RALGAPA1: variants seen among roughly 807,000 people sequenced by gnomAD.
The protein encoded by RALGAPA1 is ral GTPase-activating protein subunit alpha-1.
Under a neutral mutation model 269.6 loss-of-function variants are expected in RALGAPA1, and 52 were observed. The observed-to-expected ratio is 0.19, with a 90% CI of 0.15 to 0.24. The LOEUF is 0.24. RALGAPA1 is among the 10% of genes least tolerant of loss of function. The probability of loss-of-function intolerance (pLI) is 1.00; values close to 1 mark genes in which losing one functional copy is unlikely to be tolerated. For synonymous variants in RALGAPA1, 817 were observed against 1,008.3 expected, an observed-to-expected ratio of 0.81 and a Z score of 3.60; for missense variants, 1,917 against 3,013.9, an observed-to-expected ratio of 0.64 and a Z score of 8.52.
intron 1 of RALGAPA1, among the ~76,000 whole-genome samples, chr14:35,797,449 T>C (rs1180201579): frequency 1.3e-5 from 2 of 151,674 alleles, no homozygotes; most frequent in African/African-American, 4.9e-5. Context: ...TAAAGAAAGG[T>C]TGGTTAATGC....
intron 21 of RALGAPA1, among the ~76,000 whole-genome samples, chr14:35,681,322 C>G (rs1050418973): frequency 6.6e-6 from 1 of 152,096 alleles, no homozygotes; most frequent in Non-Finnish European, 1.5e-5. Context: ...ACTAATGGTA[C>G]TGATTAAGAT....
chr14:35,700,315 A>G lies in RALGAPA1; in HGVS notation c.2267-13T>C, dbSNP rs1217259947. 2.0e-6 allele frequency: 3 copies of G among 1,501,808 alleles called. No homozygotes were observed. Among genetic ancestry groups the G allele is most frequent in the East Asian group, 5.0e-5 (2 of 40,186 alleles). The allele number at this position is 1,501,808 out of a possible 1,614,324, so 93.0% of individuals were successfully genotyped here. A position where few individuals can be genotyped will look rare whatever the true frequency, so the allele number is the denominator to read the frequency against. ...CGGCTTCTCATGGCTTTAAAAAAGG[A>G]AAAGAAAGAAGTGGGGAAGGAAAAA... is the stretch of plus-strand genomic sequence containing the variant. On this transcript the variant is annotated splice_polypyrimidine_tract_variant and intron_variant, in intron 16 of 41. Coordinates refer to ENST00000680220, the MANE Select transcript of RALGAPA1 (RefSeq NM_001346249.2).
At chr14:35,548,984 TA>T in intron 40 of RALGAPA1, 125 bp downstream of exon 40, 1 of 1,112,632 alleles carries the variant, frequency 9.0e-7, no homozygotes, top group Non-Finnish European at 1.3e-6. Flanking sequence ...CAAATTCAAA[TA>T]TTAAATAGTG....
At chr14:35,774,903 A>G (rs11848274) in intron 3 of RALGAPA1, 103 bp downstream of exon 3, 10,454 of 729,134 alleles carry the variant, frequency 0.014, 493 homozygotes, top group African/African-American at 0.12. Flanking sequence ...AGGCTGGCAA[A>G]TTCAGAGTGT....
chr14:35,808,539 T>G (rs778248457), intron 1 of RALGAPA1, among the ~76,000 whole-genome samples, 191 bp downstream of exon 1: 2 of 152,192 alleles, frequency 1.3e-5, no homozygotes, highest in Non-Finnish European at 2.9e-5. Context: ...ATTACTGTGT[T>G]AACAGTAATC....
intron 16 of RALGAPA1, 51 bp downstream of exon 16, chr14:35,721,637 A>T (rs753362126): frequency 2.1e-6 from 3 of 1,448,174 alleles, no homozygotes; most frequent in South Asian, 1.3e-5. Context: ...GTTACCAAGG[A>T]CTATAAATGT....
rs1567009261 is a variant in RALGAPA1, at chr14:35,688,914, G to A, written c.3497C>T (p.Pro1166Leu). 1.6e-6 allele frequency: 2 copies of A among 1,259,552 alleles called. No individual in the cohort carries two copies. Among genetic ancestry groups the A allele is most frequent in the Non-Finnish European group, 2.0e-6 (2 of 1,004,212 alleles). The allele number at this position is 1,259,552 out of a possible 1,614,324, so 78.0% of individuals were successfully genotyped here. A position where few individuals can be genotyped will look rare whatever the true frequency, so the allele number is the denominator to read the frequency against. The change falls in exon 18 of 42, where the codon CCT (proline) becomes CTT (leucine). Residue 1166 changes from proline to leucine, a missense_variant. Physicochemically the swap from Pro to Leu is moderately conservative, Grantham distance 98. Transcript: ENST00000680220. Reference protein sequence around the residue: ...PSTESVQFYNPLENKEAPWKM... With the variant: ...PSTESVQFYNLLENKEAPWKM... ...CCATGGAGCCTCTTTGTTTTCCAGA[G>A]GATTATAAAACTGAACGGACTCAGT... is the stretch of plus-strand genomic sequence containing the variant.
At chr14:35,661,789 A>C (rs2063552947) in intron 27 of RALGAPA1, among the ~76,000 whole-genome samples, 1 of 152,200 alleles carries the variant, frequency 6.6e-6, no homozygotes, top group South Asian at 2.1e-4. Context: ...CTTTCTATGT[A>C]ATATAGTCTG....
intron 3 of RALGAPA1, among the ~76,000 whole-genome samples, chr14:35,773,019 G>A (rs1472632871): frequency 2.0e-5 from 3 of 152,104 alleles, no homozygotes; most frequent in African/African-American, 7.2e-5. Flanking sequence ...GTCTCCCACA[G>A]CTGGCCAACA....
intron 7 of RALGAPA1, among the ~76,000 whole-genome samples, chr14:35,755,091 T>C (rs2073054134): frequency 1.3e-5 from 2 of 152,240 alleles, no homozygotes; most frequent in African/African-American, 4.8e-5. Context: ...CTCACGCCTA[T>C]AATCACAGCA....
intron 16 of RALGAPA1, among the ~76,000 whole-genome samples, chr14:35,713,874 C>A: frequency 6.6e-6 from 1 of 152,034 alleles, no homozygotes; most frequent in Non-Finnish European, 1.5e-5. Context: ...GGCGGGTGGA[C>A]TACTTGAGGC....
chr14:35,801,141 C>T (rs1040244213), intron 1 of RALGAPA1, among the ~76,000 whole-genome samples: 3 of 148,494 alleles, frequency 2.0e-5, no homozygotes, highest in South Asian at 2.1e-4. Context: ...TCAATAAAAG[C>T]GATAAGACTC....
At chr14:35,671,909 T>C (rs1458034038) in intron 25 of RALGAPA1, among the ~76,000 whole-genome samples, 2 of 152,132 alleles carry the variant, frequency 1.3e-5, no homozygotes, top group Admixed American at 6.5e-5. Context: ...ACCCGTTACG[T>C]GACAATTGGA....
At position 35,756,710 on chromosome 14, in the gene RALGAPA1, GAC is replaced by G. The variant is rs891682152; in HGVS notation, c.663+81_663+82del. Reference sequence around the variant, plus strand: ...AAGAAAATAAGCAAATATCTACTATGACAGAATAATGGTAAGAGACAGAAAAG... The same window carrying G: ...AAGAAAATAAGCAAATATCTACTATGAGAATAATGGTAAGAGACAGAAAAG... On this transcript the variant is annotated intron_variant, in intron 7 of 41. Coordinates refer to ENST00000680220, the MANE Select transcript of RALGAPA1 (RefSeq NM_001346249.2). The G allele has an allele frequency of 2.4e-4, 243 of 998,000 alleles. 2 individuals are homozygous for G. The highest frequency in any genetic ancestry group is 8.5e-5 in the Non-Finnish European group (57 of 673,392). The allele number at this position is 998,000 out of a possible 1,614,324, so 61.8% of individuals were successfully genotyped here.
At chr14:35,790,929 G>A (rs936445676) in intron 1 of RALGAPA1, among the ~76,000 whole-genome samples, 10 of 152,154 alleles carry the variant, frequency 6.6e-5, no homozygotes, top group African/African-American at 2.4e-4. Flanking sequence ...GAAGTTAAAA[G>A]AGCAATTTCA....
chr14:35,581,359 G>A (rs999229084), intron 37 of RALGAPA1, among the ~76,000 whole-genome samples: 7 of 152,018 alleles, frequency 4.6e-5, no homozygotes, highest in African/African-American at 1.7e-4. Context: ...AAATTTCTAC[G>A]AAAAGAAAGT....
At chr14:35,682,123 T>G (rs2065494486) in intron 21 of RALGAPA1, among the ~76,000 whole-genome samples, 1 of 152,234 alleles carries the variant, frequency 6.6e-6, no homozygotes. Context: ...CATGATCTTT[T>G]GCGTACAACT....
At chr14:35,742,742 G>T (rs936171217) in intron 10 of RALGAPA1, among the ~76,000 whole-genome samples, 177 bp from the exon 11 acceptor site, 8 of 145,204 alleles carry the variant, frequency 5.5e-5, no homozygotes, top group Non-Finnish European at 9.0e-5. Context: ...TAAGAGTTAA[G>T]TTCCTAAGGT....
intron 1 of RALGAPA1, among the ~76,000 whole-genome samples, chr14:35,794,868 ATTTC>A (rs1171368921): frequency 9.2e-5 from 14 of 152,220 alleles, no homozygotes; most frequent in Admixed American, 8.5e-4. Flanking sequence ...TCAGAAAGAT[ATTTC>A]TTTGTGAACC....
Sources: allele counts gnomAD v4.1 joint callset (sites outside exome capture counted in the v4.1 genomes callset), GRCh38; gene constraint gnomAD v4.1.1; transcripts MANE v1.5; gene names NCBI Gene and HGNC (gene_info 2026-07-23, HGNC 2026-07-21).